Variants in TBC1D10B observed in about 807,000 individuals in gnomAD.
TBC1D10B encodes TBC1 domain family member 10B.
Under a neutral mutation model 78.4 loss-of-function variants are expected in TBC1D10B, and 25 were observed. That is an observed-to-expected ratio of 0.32 (90% CI 0.23 to 0.45). The LOEUF is 0.45. Among genes scored for constraint, TBC1D10B ranks in the 20% least tolerant of loss-of-function variants. The pLI, the probability that TBC1D10B is intolerant of heterozygous loss-of-function variation, is 1.00. For synonymous variants in TBC1D10B, 517 were observed against 478.0 expected (o/e 1.08, Z -1.06); for missense variants, 996 against 1,104.8 (o/e 0.90, Z 1.40).
chr16:30,370,243 G>C lies in TBC1D10B; in HGVS notation c.-60C>G, dbSNP rs910280885. On this transcript the variant is annotated 5_prime_UTR_variant, in exon 1 of 9. Transcript: ENST00000409939. ...GAGGCCGCAGAAGGCGCCGCCCCTCGGGCCTCCCGGCGAGGCCAGCCGAGA... is the reference window on the plus strand; with the variant it reads ...GAGGCCGCAGAAGGCGCCGCCCCTCCGGCCTCCCGGCGAGGCCAGCCGAGA... 4 of 934,766 alleles carry C rather than the reference G, an allele frequency of 4.3e-6. No individual in the cohort carries two copies. Among genetic ancestry groups the C allele is most frequent in the East Asian group, 5.4e-5 (1 of 18,530 alleles). The allele number at this position is 934,766 out of a possible 1,614,324, so 57.9% of individuals were successfully genotyped here. A position where few individuals can be genotyped will look rare whatever the true frequency, so the allele number is the denominator to read the frequency against.
Position 30,365,782 on chromosome 16 carries a change from G to A in TBC1D10B, c.957-188C>T. On this transcript the variant is annotated intron_variant, in intron 1 of 8. Transcript: ENST00000409939. This position sits in a 1 kb window ranked among gnomAD's most constrained non-coding sequence, Gnocchi z 5.0. The stretch of plus-strand genomic sequence containing the variant: ...CACTGAAAGGGCTTCCTTCCCTGAT[G>A]GATCTCTATTCAGAGGTCATATTTA... The A allele has an allele frequency of 1.7e-6, 1 of 589,132 alleles. No individual in the cohort carries two copies. The highest frequency in any genetic ancestry group is 2.8e-5 in the Admixed American group (1 of 35,336). 36.5% of individuals were successfully genotyped at this position (589,132 alleles called of 1,614,324 possible).
Position 30,369,266 on chromosome 16 carries a change from C to T in TBC1D10B, c.918G>A (p.Lys306=). ...INGLALRKTD[K]YGFLGGSQYS... is the part of the protein sequence containing the mutation. The stretch of plus-strand genomic sequence containing the variant: ...ACTGGCTGCCCCCAAGGAAGCCATA[C>T]TTGTCCGTCTTGCGCAGGGCCAGCC... The change falls in exon 1 of 9, where the codon AAG becomes AAA. Residue 306 remains lysine (K), a synonymous_variant. Coordinates refer to ENST00000409939, the MANE Select transcript of TBC1D10B (RefSeq NM_015527.4). This position sits in a 1 kb window ranked among gnomAD's most constrained non-coding sequence, Gnocchi z 4.3. The T allele has an allele frequency of 6.3e-7, 1 of 1,586,984 alleles. No homozygotes were observed. The highest frequency in any genetic ancestry group is 1.2e-5 in the South Asian group (1 of 86,930).
At chr16:30,360,344 G>A (rs760206837) in intron 4 of TBC1D10B, 5 of 160,072 alleles carry the variant, frequency 3.1e-5, no homozygotes, top group Non-Finnish European at 6.9e-5. Flanking sequence ...CTTCTTGAGG[G>A]TGCCCCACTG....
chr16:30,364,236 T>A (rs1596987752), intron 4 of TBC1D10B, among the ~76,000 whole-genome samples: 2 of 150,234 alleles, frequency 1.3e-5, no homozygotes, highest in African/African-American at 2.5e-5. Flanking sequence ...AGGTTGGGAG[T>A]TCAAGACCAG....
In TBC1D10B at chr16:30,357,831, C is replaced by G; in HGVS notation, c.*113G>C. The G allele has an allele frequency of 7.1e-7, 1 of 1,409,186 alleles. No individual in the cohort carries two copies. Among genetic ancestry groups the G allele is most frequent in the East Asian group, 2.5e-5 (1 of 40,034 alleles). The allele number at this position is 1,409,186 out of a possible 1,614,324, so 87.3% of individuals were successfully genotyped here. A position where few individuals can be genotyped will look rare whatever the true frequency, so the allele number is the denominator to read the frequency against. On this transcript the variant is annotated 3_prime_UTR_variant, in exon 9 of 9. Coordinates refer to ENST00000409939, the MANE Select transcript of TBC1D10B (RefSeq NM_015527.4). ...GGCGAGGAGATGGGGAACCAAGCCA[C>G]TTTCCCCAGCAAGGGACAGCCTGAC...
At position 30,370,296 on chromosome 16, in the gene TBC1D10B, G is replaced by C; in HGVS notation, c.-113C>G. ...GGGGAGAGGGCGAAGGGCGCGGCTCGGCGCGCGCCGGGGGCGGAGCGGCCG... is the reference window on the plus strand; with the variant it reads ...GGGGAGAGGGCGAAGGGCGCGGCTCCGCGCGCGCCGGGGGCGGAGCGGCCG... On this transcript the variant is annotated 5_prime_UTR_variant, in exon 1 of 9. Transcript: ENST00000409939. The C allele has an allele frequency of 4.2e-6, 2 of 475,792 alleles. No individual in the cohort carries two copies. Among genetic ancestry groups the C allele is most frequent in the Non-Finnish European group, 5.8e-6 (2 of 345,670 alleles). 29.5% of individuals were successfully genotyped at this position (475,792 alleles called of 1,614,324 possible).
Position 30,369,409 on chromosome 16 carries a change from G to A in TBC1D10B, c.775C>T (p.Pro259Ser), listed in dbSNP as rs1470591277. 1 of 1,576,606 alleles carries A rather than the reference G, an allele frequency of 6.3e-7. No individual in the cohort carries two copies. The highest frequency in any genetic ancestry group is 8.6e-7 in the Non-Finnish European group (1 of 1,161,382). Reference sequence around the variant, plus strand: ...AGCGTGTCCGGGGCCTGCCCTCGAGGCCCAGAGATGCCAGGTCCCAGGCTG... The same window carrying A: ...AGCGTGTCCGGGGCCTGCCCTCGAGACCCAGAGATGCCAGGTCCCAGGCTG... Reference protein sequence around the residue: ...TSSLGPGISGPRGQAPDTLSY... With the variant: ...TSSLGPGISGSRGQAPDTLSY... Residue 259 changes from proline to serine, a missense_variant, in exon 1 of 9, where the codon CCT becomes TCT. Transcript: ENST00000409939. This position sits in a 1 kb window ranked among gnomAD's most constrained non-coding sequence, Gnocchi z 4.3.
intron 7 of TBC1D10B, 121 bp from the exon 8 acceptor site, chr16:30,358,938 G>A: frequency 7.4e-7 from 1 of 1,349,238 alleles, no homozygotes; most frequent in South Asian, 1.5e-5. Flanking sequence ...AGGAAACTGA[G>A]GCCCTGTGAA....
intron 4 of TBC1D10B, among the ~76,000 whole-genome samples, chr16:30,361,863 T>C (rs1415638177): frequency 1.3e-5 from 2 of 151,876 alleles, no homozygotes; most frequent in Admixed American, 6.6e-5. Flanking sequence ...TTTTTTTTTT[T>C]TTGAGACAGA....
In TBC1D10B at chr16:30,357,762, T is replaced by C. The variant is rs1596982435; in HGVS notation, c.*182A>G. On this transcript the variant is annotated 3_prime_UTR_variant, in exon 9 of 9. Transcript: ENST00000409939. ...TGGGAGATGAGAGGCTCCAGACTCA[T>C]TTGCAGCTGCCCATCTGTCCTGCCC... 11 of 824,646 alleles carry C rather than the reference T, an allele frequency of 1.3e-5. No homozygotes were observed. Among genetic ancestry groups the C allele is most frequent in the Non-Finnish European group, 2.0e-5 (11 of 543,228 alleles). 51.1% of individuals were successfully genotyped at this position (824,646 alleles called of 1,614,324 possible).
At position 30,365,085 on chromosome 16, in the gene TBC1D10B, C is replaced by A. The variant is rs891686087; in HGVS notation, c.1164+20G>T. On this transcript the variant is annotated intron_variant, in intron 3 of 8. Transcript: ENST00000409939. The surrounding 1 kb of genome is among the most constrained non-coding windows in gnomAD (Gnocchi z 5.0). ...GCACAGACAGGGCCACATGTCCCCA[C>A]ACCTTGGAGCTGCACGCACCTCAAA... The A allele has an allele frequency of 2.5e-6, 4 of 1,613,464 alleles. No individual in the cohort carries two copies. In the African/African-American group the frequency reaches 4.0e-5, roughly 16 times the overall value.
rs2049570143 is a variant in TBC1D10B at position 30,358,190 on chromosome 16, C to T, written c.2181G>A (p.Glu727=). The change falls in exon 9 of 9, where the codon GAG becomes GAA. Residue 727 remains glutamate, a synonymous_variant. Transcript: ENST00000409939. ...GCCGCTCCTTCTCCTGTTTCTGCCG[C>T]TCCTTCTCCTGCTTCCGGGTCTCCT... The part of the protein sequence containing the change: ...SSKETRKQEK[E]RQKQEKERQK... The T allele has an allele frequency of 1.3e-6, 2 of 1,552,570 alleles. No individual in the cohort carries two copies. The highest frequency in any genetic ancestry group is 8.7e-7 in the Non-Finnish European group (1 of 1,147,282).
In TBC1D10B at chr16:30,357,379, T is replaced by C. The variant is rs1012639557; in HGVS notation, c.*565A>G. 4 of 162,538 alleles carry C rather than the reference T, an allele frequency of 2.5e-5. No individual in the cohort carries two copies. In the South Asian group the frequency reaches 6.2e-4, roughly 25 times the overall value. 10.1% of individuals were successfully genotyped at this position (162,538 alleles called of 1,614,324 possible). A position where few individuals can be genotyped will look rare whatever the true frequency, so the allele number is the denominator to read the frequency against. On this transcript the variant is annotated 3_prime_UTR_variant, in exon 9 of 9. Transcript: ENST00000409939. ...AGATGGGGGACATTTCCTATTCCAG[T>C]GCATGTCCCCTTAAATAAACTGGGT... is the stretch of plus-strand genomic sequence containing the variant.
At position 30,369,217 on chromosome 16, in the gene TBC1D10B, C is replaced by A; in HGVS notation, c.956+11G>T. On this transcript the variant is annotated intron_variant, in intron 1 of 8. Transcript: ENST00000409939. This position sits in a 1 kb window ranked among gnomAD's most constrained non-coding sequence, Gnocchi z 4.3. ...CCGAGGCGGTCCCGCTGGGTGCCCA[C>A]TGGTACTCACAGGCTGCCCGAGTAC... is the stretch of plus-strand genomic sequence containing the variant. 6.4e-7 allele frequency: 1 copy of A among 1,567,900 alleles called. No individual in the cohort carries two copies. Among genetic ancestry groups the A allele is most frequent in the South Asian group, 1.2e-5 (1 of 84,314 alleles).
At chr16:30,361,011 G>A (rs1374771512) in intron 4 of TBC1D10B, among the ~76,000 whole-genome samples, 3 of 152,034 alleles carry the variant, frequency 2.0e-5, no homozygotes, top group African/African-American at 7.2e-5. Context: ...TTCACCAGGC[G>A]CAGTAGCTCG....
chr16:30,359,683 T>C, intron 5 of TBC1D10B, 44 bp downstream of exon 5: 1 of 1,550,848 alleles, frequency 6.4e-7, no homozygotes, highest in Non-Finnish European at 8.7e-7. Flanking sequence ...CACTGTAGGG[T>C]GAGATCCCCC....
rs2049629158 is a variant in TBC1D10B at position 30,365,444 on chromosome 16, G to A, written c.1056+51C>T. 3 of 1,598,614 alleles carry A rather than the reference G, an allele frequency of 1.9e-6. No homozygotes were observed. The South Asian group carries it at 3.3e-5, about 18-fold the overall frequency. ...CTTCCTGGGCTTCCCTGGAGCACAT[G>A]CTACCCCTCCCAACTTGTGCATTGC... On this transcript the variant is annotated intron_variant, in intron 2 of 8. Coordinates refer to ENST00000409939, the MANE Select transcript of TBC1D10B (RefSeq NM_015527.4). The surrounding 1 kb of genome is among the most constrained non-coding windows in gnomAD (Gnocchi z 5.0).
Position 30,359,762 on chromosome 16 carries a change from CG to C in TBC1D10B, c.1350del (p.Val451TrpfsTer70). 6.3e-7 allele frequency: 1 copy of C among 1,590,758 alleles called. No homozygotes were observed. Among genetic ancestry groups the C allele is most frequent in the Admixed American group, 1.8e-5 (1 of 56,436 alleles). On this transcript the variant is annotated frameshift_variant, in exon 5 of 9. Transcript: ENST00000409939. LOFTEE classifies it high-confidence loss of function. ...PDEGYCQAQAPVAAVLLMHMP... is the reference protein window; with the variant it reads ...PDEGYCQAQAXVAAVLLMHMP... ...ATGTGCATGAGCAGGACCGCAGCCA[CG>C]GGGGCCTGGGCCTGGCAGTAACCCT...
At chr16:30,368,574 C>T (rs1213203347) in intron 1 of TBC1D10B, among the ~76,000 whole-genome samples, 2 of 152,084 alleles carry the variant, frequency 1.3e-5, no homozygotes, top group African/African-American at 4.8e-5. Flanking sequence ...GTGACTCAGG[C>T]CCCGGAGAGA....
Sources: allele counts gnomAD v4.1 joint callset (sites outside exome capture counted in the v4.1 genomes callset), GRCh38; gene constraint gnomAD v4.1.1; non-coding constraint Gnocchi (gnomAD v3.1); transcripts MANE v1.5; gene names NCBI Gene and HGNC (gene_info 2026-07-23, HGNC 2026-07-21).